Variants in OR51B5 observed in about 807,000 individuals in gnomAD.
OR51B5 encodes the protein olfactory receptor family 51 subfamily B member 5.
For synonymous variants in OR51B5, 186 were observed against 144.8 expected, an observed-to-expected ratio of 1.28 and a Z score of -2.04; for missense variants, 456 against 374.6, an observed-to-expected ratio of 1.22 and a Z score of -1.79.
upstream of OR51B5, among the ~76,000 whole-genome samples, chr11:5,344,179 T>G (rs1042120073): frequency 2.6e-5 from 4 of 152,200 alleles, no homozygotes; most frequent in African/African-American, 9.7e-5. Flanking sequence ...TGTAGAATCC[T>G]TCAGTACTAC....
chr11:5,374,764 G>A (rs1005766932), intron 1 of OR51B5, among the ~76,000 whole-genome samples: 20 of 152,044 alleles, frequency 1.3e-4, no homozygotes, highest in Non-Finnish European at 2.1e-4. Context: ...GAAATGAAGC[G>A]AGAAGGGAAG....
chr11:5,454,111 G>A, intron 1 of OR51B5: 1 of 1,614,056 alleles, frequency 6.2e-7, no homozygotes, highest in Non-Finnish European at 8.5e-7. Flanking sequence ...TCCACCTTTG[G>A]CATGGACCTG....
intron 1 of OR51B5, among the ~76,000 whole-genome samples, chr11:5,463,884 CAAAGCCTCACCAT>C (rs1361643186): frequency 6.6e-6 from 1 of 152,184 alleles, no homozygotes; most frequent in Non-Finnish European, 1.5e-5. Context: ...TTCCTTCTCA[CAAAGCCTCACCAT>C]GATTTGAATG....
rs1054025113 is a variant in OR51B5 at position 5,370,744 on chromosome 11, T to A, written n.85-23834A>T. 5.3e-4 allele frequency among the ~76,000 whole-genome samples: 80 copies of A among 152,050 alleles called. 1 individual carries two copies. Among genetic ancestry groups the A allele is most frequent in the Non-Finnish European group, 1.5e-4 (10 of 67,976 alleles). On this transcript the variant is annotated intron_variant and non_coding_transcript_variant, in intron 1 of 4. Coordinates refer to the OR51B5 transcript ENST00000415970. ...TTGTATTTTAACGGAAAGGAAATAATAAAAAAGTGACAAAAATAATTACAA... is the reference window on the plus strand; with the variant it reads ...TTGTATTTTAACGGAAAGGAAATAAAAAAAAAGTGACAAAAATAATTACAA...
At chr11:5,365,373 C>T (rs1461323225) in intron 1 of OR51B5, among the ~76,000 whole-genome samples, 3 of 152,150 alleles carry the variant, frequency 2.0e-5, no homozygotes, top group Non-Finnish European at 4.4e-5. Context: ...CTGGTCCCGG[C>T]ATGGCAACAA....
At chr11:5,372,624 A>C in intron 1 of OR51B5, among the ~76,000 whole-genome samples, 2 of 152,056 alleles carry the variant, frequency 1.3e-5, no homozygotes, top group East Asian at 3.8e-4. Context: ...ATTTTTTCAT[A>C]TTTAGTTGAT....
chr11:5,454,318 C>T (rs1850916721), intron 1 of OR51B5: 8 of 1,614,132 alleles, frequency 5.0e-6, no homozygotes, highest in Middle Eastern at 1.6e-4. Flanking sequence ...GTCCTCATGT[C>T]AAATGTGTAC....
chr11:5,481,579 G>A, intron 1 of OR51B5, among the ~76,000 whole-genome samples: 1 of 150,582 alleles, frequency 6.6e-6, no homozygotes. Context: ...GTCCCTGTTT[G>A]CAGATGACAT....
At chr11:5,428,804 C>G (rs1325803794) in intron 1 of OR51B5, among the ~76,000 whole-genome samples, 1 of 152,212 alleles carries the variant, frequency 6.6e-6, no homozygotes, top group Non-Finnish European at 1.5e-5. Flanking sequence ...CTCCCCCAAA[C>G]TAATCACCTC....
At chr11:5,463,660 A>G (rs938902064) in intron 1 of OR51B5, among the ~76,000 whole-genome samples, 3 of 152,200 alleles carry the variant, frequency 2.0e-5, no homozygotes, top group Non-Finnish European at 4.4e-5. Context: ...TATAAGGAAT[A>G]TAACAGCTCA....
chr11:5,450,618 A>G (rs1850830474), intron 1 of OR51B5, among the ~76,000 whole-genome samples: 1 of 152,126 alleles, frequency 6.6e-6, no homozygotes, highest in South Asian at 2.1e-4. Context: ...GGAGACAGGT[A>G]CTTTTGTGTA....
At chr11:5,433,798 C>T (rs1035844536) in intron 1 of OR51B5, among the ~76,000 whole-genome samples, 2 of 151,962 alleles carry the variant, frequency 1.3e-5, no homozygotes, top group African/African-American at 4.8e-5. Flanking sequence ...CACCACTGTA[C>T]TTCAGCCTAG....
At chr11:5,358,917 G>A (rs1490094387) in intron 1 of OR51B5, among the ~76,000 whole-genome samples, 2 of 151,766 alleles carry the variant, frequency 1.3e-5, no homozygotes, top group East Asian at 1.9e-4. Flanking sequence ...AATAGATGCA[G>A]AAAAGGCCTT....
intron 1 of OR51B5, among the ~76,000 whole-genome samples, chr11:5,457,449 T>C (rs1850976818): frequency 6.6e-6 from 1 of 152,226 alleles, no homozygotes; most frequent in African/African-American, 2.4e-5. Flanking sequence ...CAAGCGTATG[T>C]GTCTTTTTGG....
intron 1 of OR51B5, among the ~76,000 whole-genome samples, chr11:5,424,652 C>A (rs1409673445): frequency 2.0e-5 from 3 of 151,888 alleles, no homozygotes; most frequent in Non-Finnish European, 4.4e-5. Flanking sequence ...CACTGGGGAC[C>A]CCTGGCTGCC....
intron 1 of OR51B5, among the ~76,000 whole-genome samples, chr11:5,371,927 T>C (rs1303303970): frequency 6.6e-6 from 1 of 152,164 alleles, no homozygotes; most frequent in East Asian, 1.9e-4. Context: ...TCTTCCCCTT[T>C]TTACACTGTT....
chr11:5,412,866 CACAG>C (rs1371323624), intron 1 of OR51B5, among the ~76,000 whole-genome samples: 1 of 151,910 alleles, frequency 6.6e-6, no homozygotes, highest in African/African-American at 2.4e-5. Context: ...GGGGGCAGGG[CACAG>C]ACAAACAAGA....
At chr11:5,425,348 TTGA>T (rs1850432075) in intron 1 of OR51B5, among the ~76,000 whole-genome samples, 1 of 152,236 alleles carries the variant, frequency 6.6e-6, no homozygotes, top group Non-Finnish European at 1.5e-5. Context: ...AAATAATGTC[TTGA>T]TGAGCGATAT....
intron 1 of OR51B5, among the ~76,000 whole-genome samples, chr11:5,433,867 A>T (rs932043608): frequency 2.0e-5 from 3 of 152,038 alleles, no homozygotes; most frequent in Admixed American, 2.0e-4. Context: ...GACTATGGAG[A>T]CAAGAGCAAT....
Sources: gnomAD v4.1 joint callset for allele counts (sites outside exome capture counted in the v4.1 genomes callset) on GRCh38, gnomAD v4.1.1 for gene constraint, MANE v1.5 for transcripts, NCBI Gene and HGNC (gene_info 2026-07-23, HGNC 2026-07-21) for gene names.